Variants in CADPS observed in about 807,000 individuals in gnomAD.
CADPS encodes calcium-dependent secretion activator 1.
In CADPS, 57 loss-of-function variants were observed where a neutral mutation model predicts 167.3. That is an observed-to-expected ratio of 0.34 (90% confidence interval 0.28 to 0.42). CADPS has a LOEUF of 0.42. CADPS is among the 20% of genes least tolerant of loss of function. CADPS has a pLI of 1.00. For synonymous variants in CADPS, 676 were observed against 635.3 expected, an observed-to-expected ratio of 1.06 and a Z score of -0.96; for missense variants, 1,414 against 1,738.1, an observed-to-expected ratio of 0.81 and a Z score of 3.32.
At chr3:62,820,795 G>GTTTTTTTTTTTTTTT (rs5849504) in intron 1 of CADPS, among the ~76,000 whole-genome samples, 4 of 138,006 alleles carry the variant, frequency 2.9e-5, no homozygotes, top group African/African-American at 5.5e-5. Flanking sequence ...CTTTTTTTTG[G>GTTTTTTTTTTTTTTT]TTTTTTTTTT....
At chr3:62,810,240 A>G (rs2094330984) in intron 1 of CADPS, among the ~76,000 whole-genome samples, 1 of 152,192 alleles carries the variant, frequency 6.6e-6, no homozygotes, top group Admixed American at 6.5e-5. Flanking sequence ...TTTTCTGTGT[A>G]GGAGAACATG....
chr3:62,874,490 C>T lies in CADPS; in HGVS notation c.441+99G>A, dbSNP rs977938759. On this transcript the variant is annotated intron_variant, in intron 1 of 29. Transcript: ENST00000383710. This position sits in a 1 kb window ranked among gnomAD's most constrained non-coding sequence, Gnocchi z 7.1. ...CCCCAGGGCGCGGTCTCCACCTCTC[C>T]TGCTCCTCCTCGCCAGCTGCGCCGC... 12 of 945,228 alleles carry T rather than the reference C, an allele frequency of 1.3e-5. No individual in the cohort carries two copies. The African/African-American group carries it at 1.8e-4, about 14-fold the overall frequency. The allele number at this position is 945,228 out of a possible 1,614,324, so 58.6% of individuals were successfully genotyped here. A position where few individuals can be genotyped will look rare whatever the true frequency, so the allele number is the denominator to read the frequency against.
At chr3:62,857,302 C>T (rs2079900091) in intron 1 of CADPS, among the ~76,000 whole-genome samples, 1 of 152,066 alleles carries the variant, frequency 6.6e-6, no homozygotes, top group African/African-American at 2.4e-5. Flanking sequence ...ATGAGACTCA[C>T]TCATGCTCCA....
intron 6 of CADPS, among the ~76,000 whole-genome samples, chr3:62,606,742 TG>T (rs1465240048): frequency 6.6e-6 from 1 of 152,214 alleles, no homozygotes; most frequent in Non-Finnish European, 1.5e-5. Context: ...AGGCTTAAAA[TG>T]GTGCTTGAGT....
intron 2 of CADPS, among the ~76,000 whole-genome samples, chr3:62,760,708 G>T (rs1270859025): frequency 1.3e-5 from 2 of 152,154 alleles, no homozygotes; most frequent in Non-Finnish European, 2.9e-5. Context: ...CCATGGAATA[G>T]TTGTAGCCAT....
intron 4 of CADPS, among the ~76,000 whole-genome samples, chr3:62,656,095 T>C (rs2071493950): frequency 6.6e-6 from 1 of 152,176 alleles, no homozygotes; most frequent in South Asian, 2.1e-4. Flanking sequence ...GAAATGAGGA[T>C]AATAAACCTC....
chr3:62,750,091 C>T (rs2082353675), intron 3 of CADPS, among the ~76,000 whole-genome samples: 1 of 151,996 alleles, frequency 6.6e-6, no homozygotes, highest in African/African-American at 2.4e-5. Flanking sequence ...GTGGCTCATG[C>T]CTATAATCCC....
At chr3:62,782,324 C>T (rs9868279) in intron 1 of CADPS, among the ~76,000 whole-genome samples, 2,463 of 152,276 alleles carry the variant, frequency 0.016, 71 homozygotes, top group African/African-American at 0.055. Flanking sequence ...CTCATGCACA[C>T]ATCCACCCAC....
chr3:62,472,111 A>G (rs1276901471), intron 24 of CADPS, among the ~76,000 whole-genome samples: 1 of 152,244 alleles, frequency 6.6e-6, no homozygotes, highest in African/African-American at 2.4e-5. Flanking sequence ...AAACGGCCAC[A>G]TATTGTATGA....
chr3:62,485,211 T>A (rs952178090), intron 21 of CADPS, among the ~76,000 whole-genome samples: 1 of 152,072 alleles, frequency 6.6e-6, no homozygotes, highest in African/African-American at 2.4e-5. Context: ...AAAGCCCCCA[T>A]TGAGAATGTA....
intron 1 of CADPS, among the ~76,000 whole-genome samples, chr3:62,840,776 T>C (rs919828742): frequency 1.3e-5 from 2 of 152,178 alleles, no homozygotes; most frequent in African/African-American, 4.8e-5. Context: ...AACTGTGTCA[T>C]AGGAAATAAT....
chr3:62,873,341 T>C (rs140218737), intron 1 of CADPS, among the ~76,000 whole-genome samples: 50 of 152,368 alleles, frequency 3.3e-4, no homozygotes, highest in African/African-American at 1.2e-3. Flanking sequence ...TGGCAGCAAC[T>C]GAAAGATTCA....
Position 62,423,988 on chromosome 3 carries a change from G to A in CADPS, c.3777+14116C>T, listed in dbSNP as rs574335445. 9.2e-5 allele frequency among the ~76,000 whole-genome samples: 14 copies of A among 152,204 alleles called. No individual in the cohort carries two copies. The South Asian group carries it at 2.5e-3, about 27-fold the overall frequency. On this transcript the variant is annotated intron_variant, in intron 28 of 29. Coordinates refer to ENST00000383710, the MANE Select transcript of CADPS (RefSeq NM_003716.4). The stretch of plus-strand genomic sequence containing the variant: ...CTTCAATTAATTGGAATCTTTCCTC[G>A]TGTTTTCCTCTTAGGAGAATGCTGC...
intron 2 of CADPS, among the ~76,000 whole-genome samples, chr3:62,754,825 T>A (rs1347394657): frequency 6.6e-6 from 1 of 152,228 alleles, no homozygotes; most frequent in Non-Finnish European, 1.5e-5. Context: ...TGGCATGATA[T>A]CAGGCACATA....
At chr3:62,792,379 T>G (rs969492428) in intron 1 of CADPS, among the ~76,000 whole-genome samples, 3 of 151,878 alleles carry the variant, frequency 2.0e-5, no homozygotes, top group African/African-American at 7.3e-5. Context: ...AATTTTTAAA[T>G]TATTTTGTAG....
intron 7 of CADPS, among the ~76,000 whole-genome samples, chr3:62,585,899 T>C (rs1157417294): frequency 6.6e-6 from 1 of 152,206 alleles, no homozygotes; most frequent in East Asian, 1.9e-4. Context: ...ACATCCAACT[T>C]TGCCCGGGCA....
intron 1 of CADPS, among the ~76,000 whole-genome samples, chr3:62,852,411 A>G (rs2078808212): frequency 6.6e-6 from 1 of 152,084 alleles, no homozygotes; most frequent in South Asian, 2.1e-4. Flanking sequence ...CTATTCGGCC[A>G]TCTTGGCTCC....
At chr3:62,845,208 C>G (rs2077215776) in intron 1 of CADPS, among the ~76,000 whole-genome samples, 2 of 152,172 alleles carry the variant, frequency 1.3e-5, no homozygotes, top group African/African-American at 4.8e-5. Flanking sequence ...CAGGCTCTGT[C>G]AGAGTCTGAG....
chr3:62,538,931 A>G (rs187505032), intron 11 of CADPS, among the ~76,000 whole-genome samples: 4 of 152,286 alleles, frequency 2.6e-5, no homozygotes, highest in Non-Finnish European at 4.4e-5. Context: ...CAATGGCTCA[A>G]TGAATGCAGC....
Sources: allele counts gnomAD v4.1 joint callset (sites outside exome capture counted in the v4.1 genomes callset), GRCh38; gene constraint gnomAD v4.1.1; non-coding constraint Gnocchi (gnomAD v3.1); transcripts MANE v1.5; gene names NCBI Gene and HGNC (gene_info 2026-07-23, HGNC 2026-07-21).